SNRNP200: variants seen among roughly 807,000 people sequenced by gnomAD.
SNRNP200 encodes U5 small nuclear ribonucleoprotein 200 kDa helicase.
In SNRNP200, 66 loss-of-function variants were observed where a neutral mutation model predicts 255.2. The observed-to-expected ratio is 0.26, with a 90% confidence interval of 0.21 to 0.32. The LOEUF (loss-of-function observed/expected upper bound fraction) is 0.32, where lower values mean the gene tolerates loss of function less well. Among genes scored for constraint, SNRNP200 ranks in the 10% least tolerant of loss-of-function variants. SNRNP200 has a pLI of 1.00. For missense variants in SNRNP200, 1,585 were observed against 2,749.8 expected (o/e 0.58, Z 9.47); for synonymous variants, 939 against 1,027.8 (o/e 0.91, Z 1.65).
intron 4 of SNRNP200, 148 bp from the exon 5 acceptor site, chr2:96,301,201 G>A (rs533914732): frequency 1.3e-6 from 1 of 766,250 alleles, no homozygotes; most frequent in South Asian, 1.5e-5. Context: ...CAACATGAGA[G>A]AGCCACCTAT....
intron 23 of SNRNP200, 86 bp from the exon 24 acceptor site, chr2:96,288,832 G>A (rs2063866493): frequency 8.2e-7 from 1 of 1,217,594 alleles, no homozygotes; most frequent in Non-Finnish European, 1.2e-6. Context: ...GAGCATCCAG[G>A]CCAGGTGAGA....
At chr2:96,296,199 A>G (rs917725830) in intron 13 of SNRNP200, among the ~76,000 whole-genome samples, 1 of 152,242 alleles carries the variant, frequency 6.6e-6, no homozygotes, top group Non-Finnish European at 1.5e-5. Flanking sequence ...AAGAAGACCT[A>G]CAATACACCA....
At chr2:96,292,944 C>T in intron 16 of SNRNP200, 28 bp downstream of exon 16, 2 of 1,612,570 alleles carry the variant, frequency 1.2e-6, no homozygotes, top group Non-Finnish European at 8.5e-7. Context: ...GAATGGGGTT[C>T]AAGAGTAACC....
intron 31 of SNRNP200, 172 bp from the exon 32 acceptor site, chr2:96,284,176 C>T: frequency 1.2e-6 from 1 of 849,260 alleles, no homozygotes; most frequent in Non-Finnish European, 1.9e-6. Context: ...CTCCACTAAA[C>T]AATACTGTTT....
intron 31 of SNRNP200, 112 bp downstream of exon 31, chr2:96,284,246 T>G: frequency 1.0e-6 from 1 of 978,148 alleles, no homozygotes; most frequent in Non-Finnish European, 1.6e-6. Context: ...GCAGGTAGAA[T>G]CCTCTGGGGA....
intron 30 of SNRNP200, 41 bp downstream of exon 30, chr2:96,285,139 T>C (rs2063836413): frequency 6.2e-7 from 1 of 1,609,894 alleles, no homozygotes; most frequent in Non-Finnish European, 8.5e-7. Context: ...ACAGATGAAA[T>C]GCTTCTTGGG....
Position 96,291,835 on chromosome 2 carries a change from G to A in SNRNP200, c.2226C>T (p.Cys742=). ...ACAGACCCAGAGTGTCCTTTTCTAG[G>A]CACATGTCCCGGATGGCCCTGGCTG... ...GKTARAIRDM[C]LEKDTLGLFL... The change falls in exon 17 of 45, where the codon TGC becomes TGT. Residue 742 remains cysteine (C), a synonymous_variant. Transcript: ENST00000323853. This position sits in a 1 kb window ranked among gnomAD's most constrained non-coding sequence, Gnocchi z 4.2. The A allele has an allele frequency of 6.2e-7, 1 of 1,614,158 alleles. No individual in the cohort carries two copies. Among genetic ancestry groups the A allele is most frequent in the Non-Finnish European group, 8.5e-7 (1 of 1,180,026 alleles).
rs2063880141 is a variant in SNRNP200, at chr2:96,290,919, G to A, written c.2422-104C>T. On this transcript the variant is annotated intron_variant, in intron 18 of 44. Transcript: ENST00000323853. This position sits in a 1 kb window ranked among gnomAD's most constrained non-coding sequence, Gnocchi z 4.5. ...GGCCTCAGAGCTTCTCTCAGGACTA[G>A]CCGGTAGGGCGCGTGGGGTCCCAGT... is the stretch of plus-strand genomic sequence containing the variant. 4 of 1,403,578 alleles carry A rather than the reference G, an allele frequency of 2.8e-6. No individual in the cohort carries two copies. The highest frequency in any genetic ancestry group is 4.0e-6 in the Non-Finnish European group (4 of 1,000,460). The allele number at this position is 1,403,578 out of a possible 1,614,324, so 86.9% of individuals were successfully genotyped here.
Position 96,283,007 on chromosome 2 carries a change from T to C in SNRNP200, c.4915+194A>G, listed in dbSNP as rs1266864658. 4.3e-6 allele frequency: 3 copies of C among 695,558 alleles called. No individual in the cohort carries two copies. The highest frequency in any genetic ancestry group is 3.3e-5 in the South Asian group (2 of 60,144). The allele number at this position is 695,558 out of a possible 1,614,324, so 43.1% of individuals were successfully genotyped here. A position where few individuals can be genotyped will look rare whatever the true frequency, so the allele number is the denominator to read the frequency against. ...TCTGCCTGTTTTCTCACCTGGCAAGTAGGGATAGTGTTTGTCTCACCTGCC... is the reference window on the plus strand; with the variant it reads ...TCTGCCTGTTTTCTCACCTGGCAAGCAGGGATAGTGTTTGTCTCACCTGCC... On this transcript the variant is annotated intron_variant, in intron 34 of 44. Coordinates refer to ENST00000323853, the MANE Select transcript of SNRNP200 (RefSeq NM_014014.5). The surrounding 1 kb of genome is among the most constrained non-coding windows in gnomAD (Gnocchi z 4.7).
At chr2:96,294,560 A>C (rs977131291) in intron 14 of SNRNP200, among the ~76,000 whole-genome samples, 8 of 152,248 alleles carry the variant, frequency 5.3e-5, no homozygotes, top group Non-Finnish European at 8.8e-5. Flanking sequence ...AATGGGTGTA[A>C]CTATGTTCCA....
Position 96,274,786 on chromosome 2 carries a change from A to G in SNRNP200, c.*226T>C, listed in dbSNP as rs958713764. On this transcript the variant is annotated 3_prime_UTR_variant, in exon 45 of 45. Coordinates refer to ENST00000323853, the MANE Select transcript of SNRNP200 (RefSeq NM_014014.5). ...CAGACTCAAAAGAACTACCAGGAAC[A>G]TGCCTGAAAATGCTATATATGATTT... 6.8e-6 allele frequency: 4 copies of G among 584,666 alleles called. No homozygotes were observed. The African/African-American group carries it at 7.5e-5, about 11-fold the overall frequency. 36.2% of individuals were successfully genotyped at this position (584,666 alleles called of 1,614,324 possible).
chr2:96,297,798 G>T, intron 9 of SNRNP200, 78 bp from the exon 10 acceptor site: 1 of 1,490,464 alleles, frequency 6.7e-7, no homozygotes, highest in Non-Finnish European at 9.3e-7. Flanking sequence ...CCCCTGCTTA[G>T]CTAATACTTG....
intron 16 of SNRNP200, 127 bp downstream of exon 16, chr2:96,292,845 C>T (rs929944920): frequency 4.5e-6 from 5 of 1,104,358 alleles, no homozygotes; most frequent in Non-Finnish European, 6.7e-6. Flanking sequence ...TATCCCATTT[C>T]ATAGCTGATA....
chr2:96,298,283 C>T lies in SNRNP200; in HGVS notation c.1119+1G>A. On this transcript the variant is annotated splice_donor_variant, in intron 9 of 44. Coordinates refer to ENST00000323853, the MANE Select transcript of SNRNP200 (RefSeq NM_014014.5). LOFTEE classifies it high-confidence loss of function. ...GACAGATAAACCAACCCAGTCCTTA[C>T]TCGGATCAGATCCTCCTTCTCGGTT... 6.2e-7 allele frequency: 1 copy of T among 1,614,222 alleles called. No homozygotes were observed.
At chr2:96,288,539 A>G in intron 24 of SNRNP200, 124 bp downstream of exon 24, 1 of 824,716 alleles carries the variant, frequency 1.2e-6, no homozygotes, top group Admixed American at 1.9e-5. Context: ...ACCCGGCAAG[A>G]GCAGAACTAA....
At position 96,297,496 on chromosome 2, in the gene SNRNP200, A is replaced by C. The variant is rs1573999265; in HGVS notation, c.1244T>G (p.Val415Gly). ...CATAAAGTGGCTCCCTTGGGTAAAAACCAGGTCCTCCAAGTCCAGAACCTG... is the reference window on the plus strand; with the variant it reads ...CATAAAGTGGCTCCCTTGGGTAAAACCCAGGTCCTCCAAGTCCAGAACCTG... The part of the protein sequence containing the change: ...PRQVLDLEDL[V>G]FTQGSHFMAN... The change falls in exon 11 of 45, where the codon GTT becomes GGT. Residue 415 changes from valine to glycine, a missense_variant. This residue lies in a region of SNRNP200 where 383 missense variants were observed against 645.3 expected (regional missense o/e 0.59). Transcript: ENST00000323853. The C allele has an allele frequency of 6.2e-7, 1 of 1,614,090 alleles. No homozygotes were observed. The highest frequency in any genetic ancestry group is 8.5e-7 in the Non-Finnish European group (1 of 1,179,994).
In SNRNP200 at chr2:96,275,310, T is replaced by C; in HGVS notation, c.6214A>G (p.Lys2072Glu). ...EGWWVVIGDAKSNSLISIKRL... is the reference protein window; with the variant it reads ...EGWWVVIGDAESNSLISIKRL... The stretch of plus-strand genomic sequence containing the variant: ...TTGATGGAGATGAGGCTATTGGACT[T>C]GGCATCTCCAATCACCACCCACCAG... Residue 2072 changes from lysine to glutamate, a missense_variant, in exon 44 of 45, where the codon AAG becomes GAG. Lys to Glu is a moderately conservative substitution (Grantham distance 56, BLOSUM62 1). This residue lies in a region of SNRNP200 where 279 missense variants were observed against 551.2 expected (regional missense o/e 0.51). Coordinates refer to ENST00000323853, the MANE Select transcript of SNRNP200 (RefSeq NM_014014.5). 4 of 1,613,882 alleles carry C rather than the reference T, an allele frequency of 2.5e-6. No individual in the cohort carries two copies. Among genetic ancestry groups the C allele is most frequent in the Non-Finnish European group, 3.4e-6 (4 of 1,180,040 alleles).
In SNRNP200 at chr2:96,275,050, C is replaced by A; in HGVS notation, c.6373G>T (p.Asp2125Tyr). The change falls in exon 45 of 45, where the codon GAT becomes TAT. Residue 2125 changes from aspartate to tyrosine, a missense_variant. By Grantham distance (160) the Asp-to-Tyr change is radical (BLOSUM62 -3). This residue lies in a region of SNRNP200 where 279 missense variants were observed against 551.2 expected (regional missense o/e 0.51). Transcript: ENST00000323853. ...GCDQEYKFSV[D>Y]VKEAETDSDS... ...CTGTCTGTCTCAGCTTCTTTCACATCCACGCTGAATTTGTACTCCTGGTCA... is the reference window on the plus strand; with the variant it reads ...CTGTCTGTCTCAGCTTCTTTCACATACACGCTGAATTTGTACTCCTGGTCA... 2 of 1,614,238 alleles carry A rather than the reference C, an allele frequency of 1.2e-6. No individual in the cohort carries two copies. The highest frequency in any genetic ancestry group is 1.7e-6 in the Non-Finnish European group (2 of 1,180,036).
intron 14 of SNRNP200, among the ~76,000 whole-genome samples, chr2:96,294,231 C>T (rs1218303407): frequency 1.3e-5 from 2 of 151,308 alleles, no homozygotes; most frequent in Admixed American, 6.6e-5. Context: ...GCCAGGAGTT[C>T]GAGACCAGCC....
Sources: gnomAD v4.1 joint callset for allele counts (sites outside exome capture counted in the v4.1 genomes callset) on GRCh38, gnomAD v4.1.1 for gene constraint, gnomAD v4.1.1 regional missense constraint, Gnocchi (gnomAD v3.1) non-coding constraint, MANE v1.5 for transcripts, NCBI Gene and HGNC (gene_info 2026-07-23, HGNC 2026-07-21) for gene names.